CRISP1: variants seen among roughly 807,000 people sequenced by gnomAD.
The protein encoded by CRISP1 is cysteine-rich secretory protein 1.
CRISP1 carries 44 observed loss-of-function variants against 33.1 expected under a neutral mutation model. That is an observed-to-expected ratio of 1.33 (90% CI 1.05 to 1.71). CRISP1 has a LOEUF of 1.71. CRISP1 is among the 40% of genes most tolerant of loss of function. CRISP1 has a pLI of 0.00. For synonymous variants in CRISP1, 103 were observed against 98.7 expected, an observed-to-expected ratio of 1.04 and a Z score of -0.26; for missense variants, 390 against 301.2, an observed-to-expected ratio of 1.29 and a Z score of -2.18.
At chr6:49,842,509 A>T (rs915903210) in intron 5 of CRISP1, among the ~76,000 whole-genome samples, 6 of 152,114 alleles carry the variant, frequency 3.9e-5, no homozygotes, top group Non-Finnish European at 7.4e-5. Context: ...ATTTTACAAA[A>T]TTTTTCTATG....
intron 1 of CRISP1, among the ~76,000 whole-genome samples, chr6:49,859,484 T>G (rs1213328861): frequency 6.6e-6 from 1 of 151,756 alleles, no homozygotes; most frequent in Non-Finnish European, 1.5e-5. Flanking sequence ...AAAAAAAAGT[T>G]TTTTCCAGAC....
chr6:49,835,706 T>C (rs1770766523), intron 7 of CRISP1, among the ~76,000 whole-genome samples: 2 of 152,204 alleles, frequency 1.3e-5, no homozygotes, highest in South Asian at 4.1e-4. Flanking sequence ...TGGAGAGGAA[T>C]CATATTTTTA....
chr6:49,864,027 A>G (rs1771728155), intron 1 of CRISP1, among the ~76,000 whole-genome samples: 1 of 152,178 alleles, frequency 6.6e-6, no homozygotes, highest in African/African-American at 2.4e-5. Flanking sequence ...ATGATTTCCA[A>G]CACCCAGGAA....
chr6:49,840,987 C>A lies in CRISP1; in HGVS notation c.444G>T (p.Trp148Cys). The change falls in exon 6 of 8, where the codon TGG (tryptophan) becomes TGT (cysteine). Residue 148 changes from tryptophan to cysteine, a missense_variant. Coordinates refer to ENST00000335847, the MANE Select transcript of CRISP1 (RefSeq NM_001131.3). ...CACAGCCAATCAGGTAAGATGTGGC[C>A]CAAACAATCTGCAATGATAAAGAGT... Reference protein sequence around the residue: ...ITTDHYTQIVWATSYLIGCAI... With the variant: ...ITTDHYTQIVCATSYLIGCAI... 6.2e-7 allele frequency: 1 copy of A among 1,613,122 alleles called. No individual in the cohort carries two copies. Among genetic ancestry groups the A allele is most frequent in the Non-Finnish European group, 8.5e-7 (1 of 1,179,362 alleles).
intron 1 of CRISP1, among the ~76,000 whole-genome samples, chr6:49,875,210 G>A (rs1040275348): frequency 1.8e-4 from 27 of 151,858 alleles, no homozygotes; most frequent in African/African-American, 1.9e-4. Context: ...TTCAACTTCA[G>A]CAAAGTCTCA....
At chr6:49,874,772 A>C (rs1323862139) in intron 1 of CRISP1, among the ~76,000 whole-genome samples, 1 of 152,096 alleles carries the variant, frequency 6.6e-6, no homozygotes, top group East Asian at 1.9e-4. Context: ...AATAAATGTG[A>C]CTCATCACAT....
intron 3 of CRISP1, among the ~76,000 whole-genome samples, chr6:49,851,477 C>T (rs1358968111): frequency 6.6e-6 from 1 of 152,104 alleles, no homozygotes; most frequent in Non-Finnish European, 1.5e-5. Flanking sequence ...GATAAATTTG[C>T]CAATATTTAT....
At chr6:49,857,478 C>A in intron 1 of CRISP1, 76 bp from the exon 2 acceptor site, 1 of 1,371,868 alleles carries the variant, frequency 7.3e-7, no homozygotes, top group Non-Finnish European at 1.0e-6. Context: ...ATTTAAACCA[C>A]TTTTACATGT....
chr6:49,845,206 ATT>A (rs1771122106), intron 5 of CRISP1, among the ~76,000 whole-genome samples: 1 of 152,094 alleles, frequency 6.6e-6, no homozygotes, highest in Admixed American at 6.6e-5. Flanking sequence ...TTCCAGTAGG[ATT>A]TGTGTCCTTA....
intron 1 of CRISP1, among the ~76,000 whole-genome samples, chr6:49,859,623 A>T (rs1003534908): frequency 6.6e-6 from 1 of 152,158 alleles, no homozygotes; most frequent in Non-Finnish European, 1.5e-5. Flanking sequence ...ACCCACTGGT[A>T]GAGCAAACAC....
upstream of CRISP1, among the ~76,000 whole-genome samples, chr6:49,869,009 A>G (rs953225337): frequency 6.6e-6 from 1 of 152,196 alleles, no homozygotes; most frequent in Non-Finnish European, 1.5e-5. Flanking sequence ...AAGTCAATAT[A>G]CATTTATCCT....
intron 5 of CRISP1, among the ~76,000 whole-genome samples, chr6:49,843,804 G>A (rs1771070542): frequency 6.6e-6 from 1 of 152,138 alleles, no homozygotes; most frequent in African/African-American, 2.4e-5. Flanking sequence ...ATAGAAATAA[G>A]GGCATTAAAG....
At chr6:49,840,830 A>T (rs1770960820) in intron 6 of CRISP1, 68 bp downstream of exon 6, 2 of 1,253,126 alleles carry the variant, frequency 1.6e-6, no homozygotes, top group East Asian at 2.5e-5. Context: ...ACACAAAAAA[A>T]CAATGTTTGA....
intron 5 of CRISP1, among the ~76,000 whole-genome samples, 178 bp downstream of exon 5, chr6:49,846,342 C>T (rs916731619): frequency 6.6e-6 from 1 of 152,104 alleles, no homozygotes; most frequent in Non-Finnish European, 1.5e-5. Context: ...TAAGCATCTT[C>T]TCTAAGTCGT....
Position 49,848,256 on chromosome 6 carries a change from T to C in CRISP1, c.239A>G (p.Lys80Arg), listed in dbSNP as rs1433620876. Residue 80 changes from lysine (K) to arginine (R), a missense_variant, in exon 4 of 8, where the codon AAG becomes AGG. Physicochemically the swap from Lys to Arg is conservative, Grantham distance 26. Transcript: ENST00000335847. Reference sequence around the variant, plus strand: ...GTTGCTCTCTGTCATATCACAATACTTTGAAAAAATTCTGGCATTTTGTGC... The same window carrying C: ...GTTGCTCTCTGTCATATCACAATACCTTGAAAAAATTCTGGCATTTTGTGC... ...EAAQNARIFS[K>R]YCDMTESNPL... is the part of the protein sequence containing the mutation. 8 of 1,608,390 alleles carry C rather than the reference T, an allele frequency of 5.0e-6. No individual in the cohort carries two copies. The highest frequency in any genetic ancestry group is 6.8e-6 in the Non-Finnish European group (8 of 1,177,776).
intron 4 of CRISP1, among the ~76,000 whole-genome samples, chr6:49,847,931 C>T (rs1771231176): frequency 6.6e-6 from 1 of 152,118 alleles, no homozygotes; most frequent in Non-Finnish European, 1.5e-5. Flanking sequence ...TCACTCCACT[C>T]TTCTGCAATA....
chr6:49,848,415 TTAAA>T, intron 3 of CRISP1, 116 bp from the exon 4 acceptor site: 1 of 549,978 alleles, frequency 1.8e-6, no homozygotes, highest in Non-Finnish European at 3.1e-6. Context: ...AACTAGAAAT[TTAAA>T]TAATGAGATT....
In CRISP1 at chr6:49,857,360, C is replaced by A; in HGVS notation, c.41G>T (p.Cys14Phe). Residue 14 changes from cysteine (C) to phenylalanine (F), a missense_variant, in exon 2 of 8, where the codon TGC (cysteine) becomes TTC (phenylalanine). Coordinates refer to ENST00000335847, the MANE Select transcript of CRISP1 (RefSeq NM_001131.3). ...TTTCATGGACAACATAGGCAGTAAG[C>A]AAGCAGCAGCAACCAAAAACAAGAG... Reference protein sequence around the residue: ...KHLLFLVAAACLLPMLSMKKK... With the variant: ...KHLLFLVAAAFLLPMLSMKKK... The A allele has an allele frequency of 6.2e-7, 1 of 1,613,000 alleles. No individual in the cohort carries two copies. The highest frequency in any genetic ancestry group is 1.1e-5 in the South Asian group (1 of 91,068).
At chr6:49,844,378 A>C (rs547961815) in intron 5 of CRISP1, among the ~76,000 whole-genome samples, 1 of 152,202 alleles carries the variant, frequency 6.6e-6, no homozygotes, top group African/African-American at 2.4e-5. Context: ...CACTTCAAAC[A>C]TGCTTTATCT....
Sources: gnomAD v4.1 joint callset for allele counts (sites outside exome capture counted in the v4.1 genomes callset) on GRCh38, gnomAD v4.1.1 for gene constraint, MANE v1.5 for transcripts, NCBI Gene and HGNC (gene_info 2026-07-23, HGNC 2026-07-21) for gene names.